EXT1: variants seen among roughly 807,000 people sequenced by gnomAD.
The protein encoded by EXT1 is exostosin-1.
EXT1 carries 20 observed loss-of-function variants against 82.5 expected under a neutral mutation model. The ratio of observed to expected loss-of-function variants is 0.24; its 90% CI spans 0.17 to 0.35. The LOEUF (loss-of-function observed/expected upper bound fraction) is 0.35. Ranked by LOEUF, EXT1 falls within the 10% of genes least tolerant of loss-of-function variation. The probability of loss-of-function intolerance (pLI) is 1.00; values close to 1 mark genes in which losing one functional copy is unlikely to be tolerated. For missense variants in EXT1, 757 were observed against 936.5 expected, an observed-to-expected ratio of 0.81 and a Z score of 2.50; for synonymous variants, 348 against 350.8, an observed-to-expected ratio of 0.99 and a Z score of 0.09.
At chr8:117,988,757 A>G (rs1164024732) in intron 1 of EXT1, among the ~76,000 whole-genome samples, 1 of 152,166 alleles carries the variant, frequency 6.6e-6, no homozygotes, top group Non-Finnish European at 1.5e-5. Flanking sequence ...CAATGGACGC[A>G]ACCGCTGCCT....
At chr8:118,030,413 T>C (rs541321198) in intron 1 of EXT1, among the ~76,000 whole-genome samples, 4 of 152,334 alleles carry the variant, frequency 2.6e-5, no homozygotes, top group African/African-American at 9.6e-5. Context: ...GGAGCATGTA[T>C]GCTTTTATCA....
intron 1 of EXT1, among the ~76,000 whole-genome samples, chr8:118,027,426 C>T (rs1816222799): frequency 6.6e-6 from 1 of 151,996 alleles, no homozygotes; most frequent in Admixed American, 6.6e-5. Flanking sequence ...AACTGAGGCT[C>T]AATGAATTTA....
intron 1 of EXT1, among the ~76,000 whole-genome samples, chr8:118,043,633 T>C (rs919806052): frequency 6.6e-6 from 1 of 152,202 alleles, no homozygotes; most frequent in African/African-American, 2.4e-5. Flanking sequence ...TGCAAGGGAT[T>C]TGGGAGCTCT....
intron 1 of EXT1, among the ~76,000 whole-genome samples, chr8:117,972,159 A>G (rs1296320940): frequency 4.0e-5 from 6 of 151,888 alleles, no homozygotes; most frequent in African/African-American, 7.2e-5. Context: ...AAAAAAAAAA[A>G]AAAGAAAGAA....
intron 1 of EXT1, among the ~76,000 whole-genome samples, chr8:117,838,823 AT>A (rs201945261): frequency 4.6e-5 from 7 of 151,576 alleles, no homozygotes; most frequent in African/African-American, 1.2e-4. Flanking sequence ...GTTTAAGCTG[AT>A]TTTTTTTTAA....
chr8:118,110,818 T>C lies in EXT1; in HGVS notation c.229A>G (p.Ser77Gly), dbSNP rs767034189. Residue 77 changes from serine (S) to glycine (G), a missense_variant, in exon 1 of 11, where the codon AGC (serine) becomes GGC (glycine). Ser to Gly is a moderately conservative substitution (Grantham distance 56, BLOSUM62 0). Transcript: ENST00000378204. ...PWDQLENEDSSVHISPRQKRD... is the reference protein window; with the variant it reads ...PWDQLENEDSGVHISPRQKRD... Reference sequence around the variant, plus strand: ...TTCTGCCGGGGGGAAATGTGCACGCTGGAATCCTCGTTTTCCAATTGATCC... The same window carrying C: ...TTCTGCCGGGGGGAAATGTGCACGCCGGAATCCTCGTTTTCCAATTGATCC... The C allele has an allele frequency of 5.6e-6, 9 of 1,612,824 alleles. No homozygotes were observed. Among genetic ancestry groups the C allele is most frequent in the Non-Finnish European group, 1.7e-6 (2 of 1,179,146 alleles).
At chr8:117,820,250 C>A (rs1389006328) in intron 5 of EXT1, among the ~76,000 whole-genome samples, 2 of 152,168 alleles carry the variant, frequency 1.3e-5, no homozygotes, top group African/African-American at 4.8e-5. Context: ...GGAAGAGCAT[C>A]CAGGGCCTGA....
chr8:118,081,480 T>A (rs1817329009), intron 1 of EXT1, among the ~76,000 whole-genome samples: 1 of 152,222 alleles, frequency 6.6e-6, no homozygotes, highest in Admixed American at 6.5e-5. Context: ...TGCTAGGATG[T>A]ACATTTTCAT....
chr8:117,995,897 G>C (rs1815529550), intron 1 of EXT1, among the ~76,000 whole-genome samples: 1 of 152,064 alleles, frequency 6.6e-6, no homozygotes, highest in South Asian at 2.1e-4. Context: ...AACCAAGTAG[G>C]GATTCACTGT....
intron 1 of EXT1, among the ~76,000 whole-genome samples, chr8:117,837,827 A>G (rs917669033): frequency 6.6e-6 from 1 of 151,922 alleles, no homozygotes; most frequent in African/African-American, 2.4e-5. Flanking sequence ...AGCCTAAGAA[A>G]GGGAAAGAAA....
intron 1 of EXT1, among the ~76,000 whole-genome samples, chr8:118,095,628 T>C (rs1043484124): frequency 6.6e-6 from 1 of 152,218 alleles, no homozygotes; most frequent in Non-Finnish European, 1.5e-5. Context: ...CAGTATTAGA[T>C]TCCCTCTGAT....
chr8:118,002,212 A>T (rs1815679957), intron 1 of EXT1, among the ~76,000 whole-genome samples: 1 of 152,020 alleles, frequency 6.6e-6, no homozygotes, highest in African/African-American at 2.4e-5. Flanking sequence ...TTAAAAAAAC[A>T]TATATTTAAT....
chr8:117,986,195 T>TCTTTTC (rs11406378), intron 1 of EXT1, among the ~76,000 whole-genome samples: 62,300 of 146,898 alleles, frequency 0.42, 13,279 homozygotes, highest in Admixed American at 0.48. Flanking sequence ...TTCTTTTTTT[T>TCTTTTC]TTTTTTTTTT....
At chr8:117,895,578 C>G (rs1043319863) in intron 1 of EXT1, among the ~76,000 whole-genome samples, 2 of 152,138 alleles carry the variant, frequency 1.3e-5, no homozygotes, top group African/African-American at 4.8e-5. Flanking sequence ...GAGTGTTATA[C>G]GAAAATGTTA....
At chr8:117,976,998 A>G (rs1003525218) in intron 1 of EXT1, among the ~76,000 whole-genome samples, 1 of 152,212 alleles carries the variant, frequency 6.6e-6, no homozygotes, top group Admixed American at 6.5e-5. Flanking sequence ...GCACAGTAGC[A>G]AAATCTTTGG....
intron 1 of EXT1, among the ~76,000 whole-genome samples, chr8:117,927,417 A>G (rs528048834): frequency 5.7e-4 from 79 of 139,264 alleles, no homozygotes; most frequent in East Asian, 1.0e-3. Flanking sequence ...CCTCTGGGGG[A>G]AAAAAAAAAA....
At chr8:117,969,915 T>G (rs970384539) in intron 1 of EXT1, among the ~76,000 whole-genome samples, 1 of 152,174 alleles carries the variant, frequency 6.6e-6, no homozygotes, top group Non-Finnish European at 1.5e-5. Flanking sequence ...GGATCCAAGT[T>G]ACCTTGATTA....
chr8:117,949,064 G>A (rs1045975477), intron 1 of EXT1, among the ~76,000 whole-genome samples: 3 of 152,136 alleles, frequency 2.0e-5, no homozygotes, highest in Non-Finnish European at 4.4e-5. Flanking sequence ...GTTGTCTAAC[G>A]ACTCTAATAT....
At chr8:118,018,469 A>G (rs572186510) in intron 1 of EXT1, among the ~76,000 whole-genome samples, 1 of 152,300 alleles carries the variant, frequency 6.6e-6, no homozygotes, top group South Asian at 2.1e-4. Flanking sequence ...CAGCCCACGG[A>G]AGGAAAACAG....
Sources: allele counts gnomAD v4.1 joint callset (sites outside exome capture counted in the v4.1 genomes callset), GRCh38; gene constraint gnomAD v4.1.1; transcripts MANE v1.5; gene names NCBI Gene and HGNC (gene_info 2026-07-23, HGNC 2026-07-21).